CIDEA: variants seen among roughly 807,000 people sequenced by gnomAD.
CIDEA encodes the protein lipid transferase CIDEA.
CIDEA carries 10 observed loss-of-function variants against 18.2 expected under a neutral mutation model. The ratio of observed to expected loss-of-function variants is 0.55; its 90% CI spans 0.34 to 0.93. CIDEA has a LOEUF of 0.93. Ranked by LOEUF, CIDEA falls within the 40% of genes least tolerant of loss-of-function variation. The probability of loss-of-function intolerance (pLI) is 0.02; values close to 1 mark genes in which losing one functional copy is unlikely to be tolerated. For missense variants in CIDEA, 309 were observed against 293.1 expected, an observed-to-expected ratio of 1.05 and a Z score of -0.40; for synonymous variants, 128 against 124.8, an observed-to-expected ratio of 1.03 and a Z score of -0.17.
intron 3 of CIDEA, among the ~76,000 whole-genome samples, chr18:12,266,528 G>T (rs1386455938): frequency 2.0e-5 from 3 of 152,288 alleles, no homozygotes; most frequent in Non-Finnish European, 2.9e-5. Flanking sequence ...TAATCAAATA[G>T]AATTTTTGGA....
rs1326549148 is a variant in CIDEA, at chr18:12,277,101, TC to T, written c.513-18del. The T allele has an allele frequency of 1.9e-6, 3 of 1,612,468 alleles. No individual in the cohort carries two copies. In the South Asian group the frequency reaches 3.3e-5, roughly 18 times the overall value. ...TGGCCCAAAATCCCAAGCTAAAGCC[TC>T]CCCATCTGCCTCTGCCACAGGAGTC... On this transcript the variant is annotated intron_variant, in intron 4 of 4. Coordinates refer to ENST00000320477, the MANE Select transcript of CIDEA (RefSeq NM_001279.4).
At chr18:12,254,786 G>A (rs11873135) in intron 1 of CIDEA, 2 of 1,360,616 alleles carry the variant, frequency 1.5e-6, no homozygotes, top group Non-Finnish European at 1.9e-6. Context: ...AAGAGGGTCC[G>A]GTCCCAGGAA....
chr18:12,258,093 C>T (rs962241968), intron 1 of CIDEA, among the ~76,000 whole-genome samples: 1 of 152,122 alleles, frequency 6.6e-6, no homozygotes, highest in Non-Finnish European at 1.5e-5. Flanking sequence ...TGTAAATTTC[C>T]TTTCCTCTGT....
intron 2 of CIDEA, among the ~76,000 whole-genome samples, chr18:12,263,400 A>C (rs768799023): frequency 4.6e-5 from 7 of 152,194 alleles, no homozygotes; most frequent in Non-Finnish European, 1.0e-4. Context: ...CTGTTTTTAA[A>C]AGAGGAGGAA....
intron 1 of CIDEA, among the ~76,000 whole-genome samples, chr18:12,262,294 G>A (rs900439093): frequency 5.9e-5 from 9 of 152,156 alleles, no homozygotes. Context: ...AGTTCTAAGG[G>A]TGGTTCTGCT....
chr18:12,254,681 G>A (rs1911968685), intron 1 of CIDEA: 3 of 1,519,480 alleles, frequency 2.0e-6, no homozygotes, highest in Non-Finnish European at 2.7e-6. Flanking sequence ...GGTACCAGGT[G>A]TGGCTCTTGC....
intron 1 of CIDEA, among the ~76,000 whole-genome samples, chr18:12,260,667 G>C (rs6505735): frequency 0.61 from 92,691 of 152,190 alleles, 29,425 homozygotes; most frequent in African/African-American, 0.8. Flanking sequence ...AGCATGGATA[G>C]ATGGCTGTGT....
intron 1 of CIDEA, among the ~76,000 whole-genome samples, chr18:12,257,539 T>A (rs1912072295): frequency 1.3e-5 from 2 of 152,222 alleles, no homozygotes; most frequent in African/African-American, 4.8e-5. Context: ...CACACACTTT[T>A]GGAAGTTGGC....
intron 4 of CIDEA, among the ~76,000 whole-genome samples, chr18:12,275,383 A>G (rs7234048): frequency 0.77 from 116,987 of 152,144 alleles, 45,177 homozygotes; most frequent in East Asian, 0.87. Context: ...AATAAAATGA[A>G]AAGGTTGCTT....
In CIDEA at chr18:12,277,367, C is replaced by T. The variant is rs1905379387; in HGVS notation, c.*97C>T. The T allele has an allele frequency of 2.2e-6, 3 of 1,345,182 alleles. No individual in the cohort carries two copies. Among genetic ancestry groups the T allele is most frequent in the African/African-American group, 1.4e-5 (1 of 69,434 alleles). The allele number at this position is 1,345,182 out of a possible 1,614,324, so 83.3% of individuals were successfully genotyped here. A position where few individuals can be genotyped will look rare whatever the true frequency, so the allele number is the denominator to read the frequency against. ...GCTTTTATGTTCTGAGCCACATGCA[C>T]TTGGAGGCCGCTGGTCACGCTGCTC... On this transcript the variant is annotated 3_prime_UTR_variant, in exon 5 of 5. Coordinates refer to ENST00000320477, the MANE Select transcript of CIDEA (RefSeq NM_001279.4).
At chr18:12,264,630 T>A (rs1158034067) in intron 3 of CIDEA, among the ~76,000 whole-genome samples, 177 bp downstream of exon 3, 1 of 151,992 alleles carries the variant, frequency 6.6e-6, no homozygotes, top group Non-Finnish European at 1.5e-5. Flanking sequence ...CTCGGCTCAC[T>A]GCAAGCTCCG....
intron 3 of CIDEA, among the ~76,000 whole-genome samples, chr18:12,265,149 A>T (rs972828862): frequency 6.6e-6 from 1 of 152,238 alleles, no homozygotes; most frequent in African/African-American, 2.4e-5. Flanking sequence ...GAATATGGAG[A>T]TTTAGAAAAG....
intron 3 of CIDEA, among the ~76,000 whole-genome samples, chr18:12,267,836 T>C (rs557352559): frequency 3.5e-4 from 54 of 152,170 alleles, no homozygotes; most frequent in African/African-American, 1.3e-3. Context: ...TCAGAGGTTC[T>C]GAGCTGCAGA....
intron 4 of CIDEA, among the ~76,000 whole-genome samples, chr18:12,276,509 T>C (rs373747518): frequency 1.1e-4 from 16 of 152,286 alleles, no homozygotes; most frequent in African/African-American, 3.8e-4. Context: ...TAATTTGTAT[T>C]CTCTGATAAA....
At chr18:12,257,807 G>A (rs146563064) in intron 1 of CIDEA, among the ~76,000 whole-genome samples, 7 of 152,238 alleles carry the variant, frequency 4.6e-5, no homozygotes, top group East Asian at 3.9e-4. Context: ...GTGTCTAAAC[G>A]CAGGATCCTA....
intron 2 of CIDEA, among the ~76,000 whole-genome samples, chr18:12,263,264 G>A (rs1435301257): frequency 2.6e-5 from 4 of 152,294 alleles, no homozygotes; most frequent in South Asian, 2.1e-4. Context: ...TCTTTCTTGG[G>A]TGATGAAAGT....
In CIDEA at chr18:12,273,957, C is replaced by T. The variant is rs1598782845; in HGVS notation, c.331-136C>T. On this transcript the variant is annotated intron_variant, in intron 3 of 4. Coordinates refer to ENST00000320477, the MANE Select transcript of CIDEA (RefSeq NM_001279.4). ...AATGGGTCCTGCTGAAAGCATCTCT[C>T]TATCGATTAGCCACGGAGCCGCTCA... The T allele has an allele frequency of 1.5e-5, 13 of 863,054 alleles. No homozygotes were observed. In the East Asian group the frequency reaches 3.2e-4, roughly 21 times the overall value. The allele number at this position is 863,054 out of a possible 1,614,324, so 53.5% of individuals were successfully genotyped here.
intron 1 of CIDEA, 60 bp from the exon 2 acceptor site, chr18:12,262,765 T>G: frequency 1.3e-6 from 2 of 1,509,178 alleles, no homozygotes; most frequent in Non-Finnish European, 1.8e-6. Flanking sequence ...TTTTATGTAC[T>G]TTCACACTTC....
Position 12,277,359 on chromosome 18 carries a change from C to A in CIDEA, c.*89C>A. The A allele has an allele frequency of 1.4e-6, 2 of 1,440,608 alleles. No individual in the cohort carries two copies. Among genetic ancestry groups the A allele is most frequent in the Non-Finnish European group, 1.9e-6 (2 of 1,047,408 alleles). 89.2% of individuals were successfully genotyped at this position (1,440,608 alleles called of 1,614,324 possible). A position where few individuals can be genotyped will look rare whatever the true frequency, so the allele number is the denominator to read the frequency against. ...TTGAAGATGCTTTTATGTTCTGAGC[C>A]ACATGCACTTGGAGGCCGCTGGTCA... On this transcript the variant is annotated 3_prime_UTR_variant, in exon 5 of 5. Transcript: ENST00000320477.
Sources: allele counts gnomAD v4.1 joint callset (sites outside exome capture counted in the v4.1 genomes callset), GRCh38; gene constraint gnomAD v4.1.1; transcripts MANE v1.5; gene names NCBI Gene and HGNC (gene_info 2026-07-23, HGNC 2026-07-21).